OSBPL5: variants seen among roughly 807,000 people sequenced by gnomAD.
OSBPL5 encodes oxysterol binding protein like 5, also known as oxysterol-binding protein-related protein 5.
In OSBPL5, 71 loss-of-function variants were observed where a neutral mutation model predicts 111.2. The ratio of observed to expected loss-of-function variants is 0.64; its 90% confidence interval spans 0.53 to 0.78. The LOEUF (loss-of-function observed/expected upper bound fraction) is 0.78, where lower values mean the gene tolerates loss of function less well. Ranked by LOEUF, OSBPL5 falls within the 30% of genes least tolerant of loss-of-function variation. The probability of loss-of-function intolerance (pLI) is 0.00; values close to 1 mark genes in which losing one functional copy is unlikely to be tolerated. For synonymous variants in OSBPL5, 549 were observed against 513.9 expected (o/e 1.07, Z -0.93); for missense variants, 1,210 against 1,189.3 (o/e 1.02, Z -0.26).
At chr11:3,102,460 C>T (rs1409938710) in intron 11 of OSBPL5, among the ~76,000 whole-genome samples, 179 bp from the exon 12 acceptor site, 2 of 152,216 alleles carry the variant, frequency 1.3e-5, no homozygotes, top group African/African-American at 4.8e-5. Context: ...CTATGCTTTG[C>T]CTGTGGTTTA....
intron 3 of OSBPL5, among the ~76,000 whole-genome samples, chr11:3,123,493 G>C (rs896026118): frequency 6.6e-6 from 1 of 152,258 alleles, no homozygotes; most frequent in Non-Finnish European, 1.5e-5. Flanking sequence ...TGCTTGGATG[G>C]CTGTGCTGAG....
At chr11:3,111,985 ATG>A (rs1366160609) in intron 7 of OSBPL5, among the ~76,000 whole-genome samples, 8 of 126,934 alleles carry the variant, frequency 6.3e-5, no homozygotes, top group African/African-American at 2.3e-4. Flanking sequence ...GTGTGCGCGC[ATG>A]TGTGTGCATG....
chr11:3,090,660 C>T lies in OSBPL5; in HGVS notation c.2296G>A (p.Asp766Asn), dbSNP rs765083686. The change falls in exon 20 of 22, where the codon GAC becomes AAC. Residue 766 changes from aspartate to asparagine, a missense_variant. Transcript: ENST00000263650. The part of the protein sequence containing the change: ...GPDQRLRKAS[D>N]QPSGHSQATE... ...GCCTGGCTGTGGCCGGAGGGCTGGT[C>T]GCTGGCCTTGCGAAGCCGCTGGTCT... The T allele has an allele frequency of 1.4e-5, 22 of 1,612,068 alleles. No individual in the cohort carries two copies. The highest frequency in any genetic ancestry group is 3.3e-5 in the South Asian group (3 of 91,018).
intron 7 of OSBPL5, among the ~76,000 whole-genome samples, chr11:3,114,865 G>A (rs1379450534): frequency 6.6e-6 from 1 of 151,998 alleles, no homozygotes; most frequent in Non-Finnish European, 1.5e-5. Context: ...CCTCCCAAAA[G>A]TGCTGGGATT....
chr11:3,143,699 C>T lies in OSBPL5; in HGVS notation c.-21-14530G>A, dbSNP rs564380354. Reference sequence around the variant, plus strand: ...GACTGGTGCTTGCCAGGGCCCGGCCCGGTTCTGTCCCGGTTTCCTGGGGCT... The same window carrying T: ...GACTGGTGCTTGCCAGGGCCCGGCCTGGTTCTGTCCCGGTTTCCTGGGGCT... On this transcript the variant is annotated intron_variant, in intron 1 of 21. Transcript: ENST00000263650. Among the ~76,000 whole-genome samples the T allele has an allele frequency of 1.8e-4, 28 of 152,342 alleles. No individual in the cohort carries two copies. The East Asian group carries it at 4.6e-3, about 25-fold the overall frequency.
chr11:3,118,204 G>A (rs1360495539), intron 7 of OSBPL5, among the ~76,000 whole-genome samples: 4 of 152,222 alleles, frequency 2.6e-5, no homozygotes, highest in Non-Finnish European at 4.4e-5. Context: ...AAATCACGAA[G>A]CTAAAGGGAA....
rs1450735617 is a variant in OSBPL5, at chr11:3,092,877, G to A, written c.2122C>T (p.Arg708Ter). The A allele has an allele frequency of 3.9e-6, 6 of 1,545,018 alleles. No homozygotes were observed. Among genetic ancestry groups the A allele is most frequent in the Non-Finnish European group, 5.3e-6 (6 of 1,142,056 alleles). The change falls in exon 18 of 22, where the codon CGA becomes TGA. Residue 708 changes from arginine to a stop codon, truncating the protein, a stop_gained. Coordinates refer to ENST00000263650, the MANE Select transcript of OSBPL5 (RefSeq NM_020896.4). LOFTEE classifies it high-confidence loss of function. The surrounding 1 kb of genome is among the most constrained non-coding windows in gnomAD (Gnocchi z 5.4). ...TTTGTCGGCACTCACTCCTCGTATCGGTAGTGCCACTCCTGGGTGATGGGG... is the reference window on the plus strand; with the variant it reads ...TTTGTCGGCACTCACTCCTCGTATCAGTAGTGCCACTCCTGGGTGATGGGG... ...LDPITQEWHY[R>*]YEDHSPWDPL...
chr11:3,093,891 T>G, intron 15 of OSBPL5, 56 bp from the exon 16 acceptor site: 1 of 1,553,452 alleles, frequency 6.4e-7, no homozygotes, highest in Non-Finnish European at 8.7e-7. Flanking sequence ...GCCTCCAGAA[T>G]CACATCCTCA....
rs3741347 is a variant in OSBPL5 at position 3,121,304 on chromosome 11, C to T, written c.403-680G>A. ...AACTCCTGACCTCAGGTGATCCACC[C>T]GCCTTAGCCTCCCAAAGTGTTGGGA... On this transcript the variant is annotated intron_variant, in intron 5 of 21. Transcript: ENST00000263650. The surrounding 1 kb of genome is among the most constrained non-coding windows in gnomAD (Gnocchi z 4.3). Among the ~76,000 whole-genome samples the T allele has an allele frequency of 2.0e-5, 3 of 152,136 alleles. No homozygotes were observed. The highest frequency in any genetic ancestry group is 2.1e-4 in the South Asian group (1 of 4,822).
chr11:3,101,044 G>A (rs183868475), intron 13 of OSBPL5, among the ~76,000 whole-genome samples: 28 of 143,496 alleles, frequency 2.0e-4, no homozygotes, highest in Admixed American at 7.3e-4. Context: ...GCACCATCTT[G>A]GCTCACTGCA....
intron 1 of OSBPL5, among the ~76,000 whole-genome samples, chr11:3,135,380 T>C (rs2134496952): frequency 6.6e-6 from 1 of 152,128 alleles, no homozygotes; most frequent in African/African-American, 2.4e-5. Context: ...CTGGAGCTGC[T>C]AAGGGCCGGG....
chr11:3,142,795 G>A lies in OSBPL5; in HGVS notation c.-21-13626C>T, dbSNP rs1158492198. 2.6e-5 allele frequency among the ~76,000 whole-genome samples: 4 copies of A among 151,924 alleles called. No individual in the cohort carries two copies. Among genetic ancestry groups the A allele is most frequent in the Admixed American group, 6.5e-5 (1 of 15,272 alleles). On this transcript the variant is annotated intron_variant, in intron 1 of 21. Transcript: ENST00000263650. The surrounding 1 kb of genome is among the most constrained non-coding windows in gnomAD (Gnocchi z 7.1). ...GGTCTCCCTTCACCTGGGGATCCCC[G>A]AGCCCCATGCAGCCTTGCGGGTAGA...
chr11:3,103,803 G>GTA lies in OSBPL5; in HGVS notation c.1244+389_1244+390insTA, dbSNP rs1857573791. On this transcript the variant is annotated intron_variant, in intron 10 of 21. Coordinates refer to ENST00000263650, the MANE Select transcript of OSBPL5 (RefSeq NM_020896.4). ...TCTGCAGTCCCTTCCTGCCTCTGCA[G>GTA]CCCTCTTCCTGCCTGCGCAGCCCCC... is the stretch of plus-strand genomic sequence containing the variant. Among the ~76,000 whole-genome samples, 4 of 42,744 alleles carry GTA rather than the reference G, an allele frequency of 9.4e-5. 1 individual carries two copies. Among genetic ancestry groups the GTA allele is most frequent in the Non-Finnish European group, 2.5e-4 (4 of 15,954 alleles). The allele number at this position is 42,744 out of a possible 152,430, so 28.0% of individuals were successfully genotyped here.
intron 10 of OSBPL5, 112 bp from the exon 11 acceptor site, chr11:3,103,432 A>G (rs1045342629): frequency 2.1e-6 from 2 of 968,238 alleles, no homozygotes; most frequent in African/African-American, 1.6e-5. Context: ...AGCTGGAAAC[A>G]GGCCACTTGG....
At position 3,126,739 on chromosome 11, in the gene OSBPL5, C is replaced by T; in HGVS notation, c.137-184G>A. 2.0e-6 allele frequency: 1 copy of T among 507,242 alleles called. No individual in the cohort carries two copies. Among genetic ancestry groups the T allele is most frequent in the Middle Eastern group, 5.3e-4 (1 of 1,874 alleles). 31.4% of individuals were successfully genotyped at this position (507,242 alleles called of 1,614,324 possible). A position where few individuals can be genotyped will look rare whatever the true frequency, so the allele number is the denominator to read the frequency against. ...AGGTGTAATAAACGCCAGCAAGCGTCACTGTGGGAGGAGTGTGCCAGGAGA... is the reference window on the plus strand; with the variant it reads ...AGGTGTAATAAACGCCAGCAAGCGTTACTGTGGGAGGAGTGTGCCAGGAGA... On this transcript the variant is annotated intron_variant, in intron 2 of 21. Transcript: ENST00000263650. The surrounding 1 kb of genome is among the most constrained non-coding windows in gnomAD (Gnocchi z 6.5).
chr11:3,102,602 A>G (rs1857496991), intron 11 of OSBPL5, among the ~76,000 whole-genome samples: 1 of 152,162 alleles, frequency 6.6e-6, no homozygotes, highest in South Asian at 2.1e-4. Context: ...AAAGCCATGG[A>G]AGGCACCAGG....
At chr11:3,155,945 C>T (rs1410647822) in intron 1 of OSBPL5, among the ~76,000 whole-genome samples, 1 of 152,262 alleles carries the variant, frequency 6.6e-6, no homozygotes, top group Non-Finnish European at 1.5e-5. Context: ...AGGCTCAAGC[C>T]TGTGTTTCTG....
At chr11:3,120,010 G>T in intron 6 of OSBPL5, 1 of 409,196 alleles carries the variant, frequency 2.4e-6, no homozygotes, top group South Asian at 3.2e-5. Context: ...TAGCATGAAA[G>T]AACTCTGATG....
At chr11:3,088,891 C>T (rs1856963331) in intron 21 of OSBPL5, among the ~76,000 whole-genome samples, 1 of 152,134 alleles carries the variant, frequency 6.6e-6, no homozygotes, top group Non-Finnish European at 1.5e-5. Flanking sequence ...TCTTGGACTC[C>T]AGCCTCCGGG....
Sources: allele counts gnomAD v4.1 joint callset (sites outside exome capture counted in the v4.1 genomes callset), GRCh38; gene constraint gnomAD v4.1.1; non-coding constraint Gnocchi (gnomAD v3.1); transcripts MANE v1.5; gene names NCBI Gene and HGNC (gene_info 2026-07-23, HGNC 2026-07-21).